Variants in MCTP2 observed in about 807,000 individuals in gnomAD.
The protein encoded by MCTP2 is multiple C2 and transmembrane domain-containing protein 2.
In MCTP2, 132 loss-of-function variants were observed where a neutral mutation model predicts 111.6. That is an observed-to-expected ratio of 1.18 (90% CI 1.03 to 1.37). The LOEUF is 1.37. MCTP2 is among the 40% of genes most tolerant of loss of function. MCTP2 has a pLI of 0.00. For missense variants in MCTP2, 1,183 were observed against 1,067.9 expected (o/e 1.11, Z -1.50); for synonymous variants, 395 against 387.7 (o/e 1.02, Z -0.22).
intron 1 of MCTP2, among the ~76,000 whole-genome samples, chr15:94,264,728 A>C (rs1233110412): frequency 6.6e-6 from 1 of 152,240 alleles, no homozygotes; most frequent in African/African-American, 2.4e-5. Flanking sequence ...TAACTCACTC[A>C]GTTACTTATA....
intron 17 of MCTP2, among the ~76,000 whole-genome samples, chr15:94,425,815 T>C (rs529309989): frequency 6.2e-4 from 94 of 152,214 alleles, no homozygotes; most frequent in Admixed American, 9.8e-4. Context: ...CTTATCAAAG[T>C]TGCAAAAGAG....
At chr15:94,266,019 T>G (rs2152289475) in intron 1 of MCTP2, among the ~76,000 whole-genome samples, 1 of 152,334 alleles carries the variant, frequency 6.6e-6, no homozygotes, top group South Asian at 2.1e-4. Flanking sequence ...TAAGACAAGA[T>G]CACATCTTTA....
At chr15:94,239,029 GAAAAACTAAAAACAA>G in intron 1 of MCTP2, among the ~76,000 whole-genome samples, 1 of 141,654 alleles carries the variant, frequency 7.1e-6, no homozygotes, top group South Asian at 2.2e-4. Context: ...AAAAAGAAAA[GAAAAACTAAAAACAA>G]AAACACCCAA....
At chr15:94,346,848 C>T (rs1002201863) in intron 8 of MCTP2, among the ~76,000 whole-genome samples, 17 of 152,118 alleles carry the variant, frequency 1.1e-4, no homozygotes, top group African/African-American at 2.4e-4. Flanking sequence ...CAGAAGATCC[C>T]GGAGAGCAGT....
At chr15:94,381,595 G>C (rs999280825) in intron 12 of MCTP2, among the ~76,000 whole-genome samples, 7 of 152,218 alleles carry the variant, frequency 4.6e-5, no homozygotes, top group Non-Finnish European at 1.0e-4. Context: ...AAAAGTGTCA[G>C]ACGGTTTCCC....
intron 21 of MCTP2, among the ~76,000 whole-genome samples, chr15:94,470,708 A>G (rs562420170): frequency 6.6e-6 from 1 of 152,354 alleles, no homozygotes; most frequent in African/African-American, 2.4e-5. Context: ...GGGCTTTGCT[A>G]GTCATAAATC....
At chr15:94,373,491 G>A (rs888299544) in intron 12 of MCTP2, among the ~76,000 whole-genome samples, 1 of 151,890 alleles carries the variant, frequency 6.6e-6, no homozygotes, top group Non-Finnish European at 1.5e-5. Flanking sequence ...TGTATAAAAA[G>A]GTATATTTAC....
intron 1 of MCTP2, among the ~76,000 whole-genome samples, chr15:94,269,059 T>C (rs1018960822): frequency 6.6e-6 from 1 of 152,170 alleles, no homozygotes; most frequent in African/African-American, 2.4e-5. Flanking sequence ...GTTTAAATGA[T>C]TAGTATAAGG....
chr15:94,367,309 T>G (rs2079238965), intron 10 of MCTP2, among the ~76,000 whole-genome samples: 1 of 152,232 alleles, frequency 6.6e-6, no homozygotes, highest in Non-Finnish European at 1.5e-5. Flanking sequence ...TTCTAATTTT[T>G]GATCTTATCT....
chr15:94,241,598 A>G (rs1222640175), intron 1 of MCTP2, among the ~76,000 whole-genome samples: 1 of 152,170 alleles, frequency 6.6e-6, no homozygotes, highest in Non-Finnish European at 1.5e-5. Flanking sequence ...GTGATTAAGC[A>G]TAGGATAGAA....
At chr15:94,248,363 A>C (rs557100391) in intron 1 of MCTP2, among the ~76,000 whole-genome samples, 1 of 152,278 alleles carries the variant, frequency 6.6e-6, no homozygotes, top group African/African-American at 2.4e-5. Context: ...ACCATCTCGA[A>C]ATAATGGGCC....
chr15:94,385,325 A>G, intron 13 of MCTP2, 98 bp from the exon 14 acceptor site: 1 of 786,528 alleles, frequency 1.3e-6, no homozygotes, highest in South Asian at 1.6e-5. Flanking sequence ...TACTCTAAGG[A>G]CATACAGACT....
chr15:94,251,022 G>T (rs545952357), intron 1 of MCTP2, among the ~76,000 whole-genome samples: 1 of 152,184 alleles, frequency 6.6e-6, no homozygotes, highest in African/African-American at 2.4e-5. Context: ...AGTGGCCCTT[G>T]GTTGACTTCA....
chr15:94,315,308 A>T (rs1229071082), intron 3 of MCTP2, among the ~76,000 whole-genome samples: 2 of 152,232 alleles, frequency 1.3e-5, no homozygotes, highest in African/African-American at 4.8e-5. Flanking sequence ...AGATGTAATC[A>T]TATTTGCTTC....
At chr15:94,438,944 A>T (rs1186975029) in intron 17 of MCTP2, among the ~76,000 whole-genome samples, 3 of 152,140 alleles carry the variant, frequency 2.0e-5, no homozygotes, top group African/African-American at 7.2e-5. Flanking sequence ...GCAGGAAAAA[A>T]ATTACAAATA....
chr15:94,301,967 C>T lies in MCTP2; in HGVS notation c.465+3237C>T, dbSNP rs532107142. On this transcript the variant is annotated intron_variant, in intron 2 of 22. Transcript: ENST00000357742. ...GTTAATAGCTGGTGGCTTTCTATAC[C>T]TTGTGTGGAATGAGGAAGAAATGAA... 7.9e-5 allele frequency among the ~76,000 whole-genome samples: 12 copies of T among 151,690 alleles called. No individual in the cohort carries two copies. The South Asian group carries it at 2.5e-3, about 32-fold the overall frequency.
intron 12 of MCTP2, among the ~76,000 whole-genome samples, chr15:94,377,252 A>G (rs1000360845): frequency 3.9e-5 from 6 of 152,170 alleles, no homozygotes; most frequent in African/African-American, 7.2e-5. Context: ...AAGATGCCCT[A>G]TTTTCAAAGG....
chr15:94,396,998 A>G (rs1287178109), intron 14 of MCTP2, among the ~76,000 whole-genome samples: 1 of 152,210 alleles, frequency 6.6e-6, no homozygotes, highest in Non-Finnish European at 1.5e-5. Flanking sequence ...ATCTCAATAA[A>G]ATTTAGAAAG....
intron 19 of MCTP2, among the ~76,000 whole-genome samples, chr15:94,449,151 A>G (rs1314034945): frequency 6.6e-6 from 1 of 152,234 alleles, no homozygotes; most frequent in Non-Finnish European, 1.5e-5. Context: ...TCAAGGGAAA[A>G]GTAATCACTG....
Sources: gnomAD v4.1 joint callset for allele counts (sites outside exome capture counted in the v4.1 genomes callset) on GRCh38, gnomAD v4.1.1 for gene constraint, MANE v1.5 for transcripts, NCBI Gene and HGNC (gene_info 2026-07-23, HGNC 2026-07-21) for gene names.